SNX18: variants seen among roughly 807,000 people sequenced by gnomAD.
SNX18 encodes sorting nexin-18.
SNX18 carries 35 observed loss-of-function variants against 48.7 expected under a neutral mutation model. That is an observed-to-expected ratio of 0.72 (90% confidence interval 0.55 to 0.95). The LOEUF is 0.95. Among genes scored for constraint, SNX18 ranks in the 40% least tolerant of loss-of-function variants. The probability of loss-of-function intolerance (pLI) is 0.00; values close to 1 mark genes in which losing one functional copy is unlikely to be tolerated. For synonymous variants in SNX18, 492 were observed against 384.7 expected, an observed-to-expected ratio of 1.28 and a Z score of -3.26; for missense variants, 824 against 871.0, an observed-to-expected ratio of 0.95 and a Z score of 0.68.
At chr5:54,602,841 T>C in the SNX18 span, among the ~76,000 whole-genome samples, 2 of 152,116 alleles carry the variant, frequency 1.3e-5, no homozygotes, top group Non-Finnish European at 2.9e-5. Flanking sequence ...AGGTGTTTTC[T>C]GTCCATTAGG....
chr5:54,585,856 AT>A, the SNX18 span, among the ~76,000 whole-genome samples: 118 of 152,024 alleles, frequency 7.8e-4, no homozygotes, highest in African/African-American at 2.7e-3. Flanking sequence ...ACAAAAAAAA[AT>A]AGCTGTACAT....
chr5:54,646,900 C>T, the SNX18 span, among the ~76,000 whole-genome samples: 20 of 152,174 alleles, frequency 1.3e-4, no homozygotes, highest in Admixed American at 1.2e-3. Context: ...CTGTTGTGAG[C>T]CCTCCCAGCT....
At chr5:54,523,169 T>C (rs1762064351) in intron 1 of SNX18, among the ~76,000 whole-genome samples, 1 of 152,186 alleles carries the variant, frequency 6.6e-6, no homozygotes, top group Non-Finnish European at 1.5e-5. Flanking sequence ...CTTGATTTTT[T>C]TTTTCTTAAG....
At chr5:54,534,031 T>A (rs1032828107) in intron 1 of SNX18, among the ~76,000 whole-genome samples, 1 of 152,082 alleles carries the variant, frequency 6.6e-6, no homozygotes, top group Non-Finnish European at 1.5e-5. Context: ...GCATGTTACG[T>A]GTGCCAGGGA....
chr5:54,520,201 AGGAAAATTG>A, intron 1 of SNX18: 1 of 217,360 alleles, frequency 4.6e-6, no homozygotes, highest in East Asian at 1.2e-4. Context: ...AACGTTGTTT[AGGAAAATTG>A]TTTAGGGAAA....
chr5:54,603,735 C>T, the SNX18 span, among the ~76,000 whole-genome samples: 3 of 152,178 alleles, frequency 2.0e-5, no homozygotes, highest in Non-Finnish European at 2.9e-5. Context: ...TACTGAAAAA[C>T]GTCCTCCATT....
Position 54,518,228 on chromosome 5 carries a change from GC to G in SNX18, c.282del (p.Ala95ProfsTer131), listed in dbSNP as rs1473083188. The G allele has an allele frequency of 5.7e-6, 8 of 1,409,134 alleles. No individual in the cohort carries two copies. Among genetic ancestry groups the G allele is most frequent in the East Asian group, 3.0e-5 (1 of 33,224 alleles). 87.3% of individuals were successfully genotyped at this position (1,409,134 alleles called of 1,614,324 possible). ...GGGGCTTCGAGCCCCTGCCTGTCGC[GC>G]CCCCCGCCTCCTTCAAGCCGCCGCC... ...PGGFEPLPVA[P>X]PASFKPPPDA... is the part of the protein sequence containing the mutation. On this transcript the variant is annotated frameshift_variant, in exon 1 of 2. Transcript: ENST00000381410. LOFTEE classifies it high-confidence loss of function.
the SNX18 span, among the ~76,000 whole-genome samples, chr5:54,592,478 C>T: frequency 2.6e-5 from 4 of 152,204 alleles, no homozygotes; most frequent in Non-Finnish European, 5.9e-5. Context: ...GGTTGCCTGG[C>T]ACTGGTTAGC....
At position 54,544,634 on chromosome 5, in the gene SNX18, A is replaced by AG. The variant is rs1762541125; in HGVS notation, c.*1203dup. 2.2e-5 allele frequency: 1 copy of AG among 45,164 alleles called. No homozygotes were observed. 2.8% of individuals were successfully genotyped at this position (45,164 alleles called of 1,614,324 possible). On this transcript the variant is annotated 3_prime_UTR_variant, in exon 2 of 2. Coordinates refer to ENST00000381410, the MANE Select transcript of SNX18 (RefSeq NM_001102575.2). ...TTTAAAAAAAAAAAAGGTATTGATGAGCCCCCCCCCCCCAGGACATTTAAC... is the reference window on the plus strand; with the variant it reads ...TTTAAAAAAAAAAAAGGTATTGATGAGGCCCCCCCCCCCCAGGACATTTAAC...
chr5:54,619,590 A>G, the SNX18 span, among the ~76,000 whole-genome samples: 1 of 152,160 alleles, frequency 6.6e-6, no homozygotes, highest in Non-Finnish European at 1.5e-5. Flanking sequence ...CTTTGAATAC[A>G]CTATCTATGA....
At chr5:54,522,133 C>T (rs114729344) in intron 1 of SNX18, among the ~76,000 whole-genome samples, 59 of 152,140 alleles carry the variant, frequency 3.9e-4, no homozygotes, top group African/African-American at 1.4e-3. Flanking sequence ...TGACAGTGTG[C>T]GATACATAAG....
chr5:54,597,748 G>A, the SNX18 span, among the ~76,000 whole-genome samples: 7 of 152,138 alleles, frequency 4.6e-5, no homozygotes, highest in Non-Finnish European at 1.0e-4. Flanking sequence ...AGTGTTAAGA[G>A]GGAGATTTAT....
chr5:54,532,155 G>T (rs1762262470), intron 1 of SNX18, among the ~76,000 whole-genome samples: 1 of 151,932 alleles, frequency 6.6e-6, no homozygotes, highest in Non-Finnish European at 1.5e-5. Flanking sequence ...ATTTATTTTG[G>T]CTTGGGTCTC....
the SNX18 span, among the ~76,000 whole-genome samples, chr5:54,568,500 C>T: frequency 6.6e-6 from 1 of 152,136 alleles, no homozygotes; most frequent in Non-Finnish European, 1.5e-5. Flanking sequence ...TTTCCACCAT[C>T]TCCCTTCCCC....
the SNX18 span, among the ~76,000 whole-genome samples, chr5:54,573,301 C>T: frequency 2.5e-3 from 373 of 152,230 alleles, 1 homozygote; most frequent in Middle Eastern, 0.02. Flanking sequence ...CCTTTCACTA[C>T]TTTTCTCTCT....
chr5:54,519,943 A>T (rs1019551144), intron 1 of SNX18: 34 of 908,960 alleles, frequency 3.7e-5, no homozygotes, highest in Non-Finnish European at 5.5e-5. Context: ...TGAACACTGC[A>T]CTGTCACTTA....
the SNX18 span, among the ~76,000 whole-genome samples, chr5:54,576,890 C>T: frequency 6.6e-6 from 1 of 152,242 alleles, no homozygotes; most frequent in African/African-American, 2.4e-5. Context: ...CAGCCTCTGC[C>T]TCCCAGGTTC....
At chr5:54,528,882 G>A (rs2094700176) in intron 1 of SNX18, among the ~76,000 whole-genome samples, 1 of 152,194 alleles carries the variant, frequency 6.6e-6, no homozygotes, top group Non-Finnish European at 1.5e-5. Context: ...AGAACCAGCC[G>A]CTGAGGGGAT....
chr5:54,613,535 T>C, the SNX18 span, among the ~76,000 whole-genome samples: 1 of 152,184 alleles, frequency 6.6e-6, no homozygotes, highest in Non-Finnish European at 1.5e-5. Context: ...CTCAGTGCTG[T>C]TGCATTGGGG....
Sources: gnomAD v4.1 joint callset for allele counts (sites outside exome capture counted in the v4.1 genomes callset) on GRCh38, gnomAD v4.1.1 for gene constraint, MANE v1.5 for transcripts, NCBI Gene and HGNC (gene_info 2026-07-23, HGNC 2026-07-21) for gene names.